Variants in ELF4 observed in about 807,000 individuals in gnomAD.
ELF4 encodes ETS-related transcription factor Elf-4.
ELF4 carries 10 observed loss-of-function variants against 31.7 expected under a neutral mutation model. That is an observed-to-expected ratio of 0.32 (90% CI 0.19 to 0.54). ELF4 has a LOEUF of 0.54. ELF4 is among the 20% of genes least tolerant of loss of function. The probability of loss-of-function intolerance (pLI) is 0.95; values close to 1 mark genes in which losing one functional copy is unlikely to be tolerated. For missense variants in ELF4, 418 were observed against 522.0 expected (o/e 0.80, Z 1.94); for synonymous variants, 208 against 226.7 (o/e 0.92, Z 0.74).
chrX:130,103,261 G>A (rs187183112), intron 1 of ELF4, among the ~76,000 whole-genome samples: 6 of 112,235 alleles, frequency 5.3e-5, no homozygotes, highest in Admixed American at 3.8e-4. Context: ...CACAGACTAC[G>A]AGAAAGTATT....
chrX:130,067,214 G>A lies in ELF4; in HGVS notation c.1499C>T (p.Ala500Val), dbSNP rs145281864. 611 of 1,209,975 alleles carry A rather than the reference G, an allele frequency of 5.0e-4. 2 individuals carry two copies. Among genetic ancestry groups the A allele is most frequent in the African/African-American group, 1.6e-3 (91 of 57,502 alleles). Residue 500 changes from alanine (A) to valine (V), a missense_variant, in exon 9 of 9, where the codon GCG (alanine) becomes GTG (valine). Around this residue, in one of 4 missense-constraint regions of ELF4, gnomAD observed 260 missense variants for 269.2 expected, o/e 0.97. Coordinates refer to ENST00000308167, the MANE Select transcript of ELF4 (RefSeq NM_001421.4). ...TCCAGCCCCTGTGACCGTGGGTGGC[G>A]CCGGGTTGGTCGGACGGTTGGCCCC... The part of the protein sequence containing the change: ...LAGANRPTNP[A>V]PPTVTGAGPA...
At chrX:130,110,702 A>G (rs1220970806), upstream of ELF4, 1 of 105,662 alleles carries the variant, frequency 9.5e-6, no homozygotes, top group East Asian at 3.1e-4. Context: ...AGTTGGAGGG[A>G]GAGATGCAAA....
intron 2 of ELF4, 99 bp from the exon 3 acceptor site, chrX:130,074,851 G>A: frequency 2.1e-6 from 2 of 973,164 alleles, no homozygotes; most frequent in East Asian, 6.5e-5. Flanking sequence ...TTATTCTTGG[G>A]TTCATCAGGG....
intron 1 of ELF4, among the ~76,000 whole-genome samples, chrX:130,090,372 C>CAA (rs1183281100): frequency 2.1e-5 from 2 of 96,398 alleles, no homozygotes; most frequent in African/African-American, 3.8e-5. Flanking sequence ...GACTCTGTCT[C>CAA]AAAAAAAAAA....
chrX:130,095,860 T>C (rs1278880644), intron 1 of ELF4, among the ~76,000 whole-genome samples: 1 of 111,914 alleles, frequency 8.9e-6, no homozygotes, highest in African/African-American at 3.3e-5. Context: ...TGGGCTCTTA[T>C]CTTGGGGTGT....
At chrX:130,102,853 TGA>T (rs748191970) in intron 1 of ELF4, among the ~76,000 whole-genome samples, 5,857 of 58,324 alleles carry the variant, frequency 0.1, 544 homozygotes, top group East Asian at 0.22. Flanking sequence ...AAGATAAAGA[TGA>T]GAGAGAGAGA....
intron 1 of ELF4, among the ~76,000 whole-genome samples, chrX:130,094,565 C>T (rs1444661876): frequency 4.6e-4 from 44 of 94,892 alleles, no homozygotes; most frequent in Non-Finnish European, 1.3e-4. Flanking sequence ...GACTCCATCT[C>T]AAAAAAAAAA....
At chrX:130,075,685 TGGCAAG>T (rs1932828662) in intron 2 of ELF4, among the ~76,000 whole-genome samples, 1 of 111,883 alleles carries the variant, frequency 8.9e-6, no homozygotes, top group African/African-American at 3.2e-5. Context: ...GACCAGCTGA[TGGCAAG>T]GGCAAGGGGC....
At chrX:130,074,235 G>C in intron 3 of ELF4, 94 bp from the exon 4 acceptor site, 1 of 958,978 alleles carries the variant, frequency 1.0e-6, no homozygotes, top group Non-Finnish European at 1.5e-6. Flanking sequence ...CCCGAAGAAA[G>C]GATGGTGGTA....
intron 4 of ELF4, among the ~76,000 whole-genome samples, chrX:130,073,165 T>C (rs1485538333): frequency 9.0e-6 from 1 of 111,505 alleles, no homozygotes; most frequent in African/African-American, 3.3e-5. Flanking sequence ...CTCGGCTCAT[T>C]GCAACCTCTG....
chrX:130,072,211 C>A lies in ELF4; in HGVS notation c.532+15G>T, dbSNP rs200372137. 8.3e-7 allele frequency: 1 copy of A among 1,202,442 alleles called. No homozygotes were observed. Among genetic ancestry groups the A allele is most frequent in the African/African-American group, 1.8e-5 (1 of 56,834 alleles). On this transcript the variant is annotated intron_variant, in intron 5 of 8. Transcript: ENST00000308167. Reference sequence around the variant, plus strand: ...CCCCTCGGAGACACACATACACTCACTCTCCCCCACTTACTTCTCTTCTTT... The same window carrying A: ...CCCCTCGGAGACACACATACACTCAATCTCCCCCACTTACTTCTCTTCTTT...
chrX:130,102,317 G>C (rs1449661639), intron 1 of ELF4, among the ~76,000 whole-genome samples: 1 of 112,054 alleles, frequency 8.9e-6, no homozygotes, highest in Non-Finnish European at 1.9e-5. Context: ...AAGTTGAAAG[G>C]CTAATACTAC....
At chrX:130,076,663 T>C (rs1932837595) in intron 2 of ELF4, among the ~76,000 whole-genome samples, 1 of 111,942 alleles carries the variant, frequency 8.9e-6, no homozygotes, top group Admixed American at 9.5e-5. Flanking sequence ...ACTCCTGACC[T>C]CAAGTGATCC....
intron 1 of ELF4, among the ~76,000 whole-genome samples, chrX:130,099,479 C>G (rs1313265494): frequency 9.1e-6 from 1 of 110,417 alleles, no homozygotes; most frequent in African/African-American, 3.3e-5. Flanking sequence ...AAGGCTAAGG[C>G]AGGAGAATTG....
Position 130,067,190 on chromosome X carries a change from C to T in ELF4, c.1523G>A (p.Gly508Glu). 8.3e-7 allele frequency: 1 copy of T among 1,209,301 alleles called. No homozygotes were observed. The highest frequency in any genetic ancestry group is 1.1e-6 in the Non-Finnish European group (1 of 893,884). ...NPAPPTVTGA[G>E]PAGPSSQPPG... Reference sequence around the variant, plus strand: ...GGGCTGAGAGCTGGGCCCTGCTGGTCCAGCCCCTGTGACCGTGGGTGGCGC... The same window carrying T: ...GGGCTGAGAGCTGGGCCCTGCTGGTTCAGCCCCTGTGACCGTGGGTGGCGC... The change falls in exon 9 of 9, where the codon GGA (glycine) becomes GAA (glutamate). Residue 508 changes from glycine (G) to glutamate (E), a missense_variant. Around this residue, in one of 4 missense-constraint regions of ELF4, gnomAD observed 260 missense variants for 269.2 expected, o/e 0.97. Transcript: ENST00000308167.
At chrX:130,109,156 C>G (rs1933427708) in intron 1 of ELF4, among the ~76,000 whole-genome samples, 1 of 112,498 alleles carries the variant, frequency 8.9e-6, no homozygotes, top group Admixed American at 9.4e-5. Flanking sequence ...CACCTCCAAC[C>G]TGGCACTCGG....
intron 1 of ELF4, among the ~76,000 whole-genome samples, chrX:130,106,202 C>T (rs1424871644): frequency 1.8e-5 from 2 of 108,765 alleles, no homozygotes; most frequent in Non-Finnish European, 3.8e-5. Flanking sequence ...CAAAGCCTTC[C>T]CTCCCTCCTC....
chrX:130,074,662 C>T lies in ELF4; in HGVS notation c.166G>A (p.Asp56Asn), dbSNP rs1175642134. The T allele has an allele frequency of 8.3e-6, 10 of 1,209,688 alleles. No homozygotes were observed. The highest frequency in any genetic ancestry group is 2.3e-4 in the Middle Eastern group (1 of 4,376). ...LHLYSGLELD[D>N]VHNGIITDGT... ...TCTGTTATGATGCCATTGTGAACGT[C>T]GTCCAACTCCAGTCCCGAGTACAGA... The change falls in exon 3 of 9, where the codon GAC (aspartate) becomes AAC (asparagine). Residue 56 changes from aspartate to asparagine, a missense_variant. Coordinates refer to ENST00000308167, the MANE Select transcript of ELF4 (RefSeq NM_001421.4).
intron 4 of ELF4, 122 bp from the exon 5 acceptor site, chrX:130,072,539 A>C: frequency 3.0e-6 from 2 of 675,414 alleles, no homozygotes; most frequent in Non-Finnish European, 4.6e-6. Context: ...AGCCCCAGAC[A>C]CAGGATACAC....
Sources: allele counts gnomAD v4.1 joint callset (sites outside exome capture counted in the v4.1 genomes callset), GRCh38; gene constraint gnomAD v4.1.1; regional missense constraint gnomAD v4.1.1; transcripts MANE v1.5; gene names NCBI Gene and HGNC (gene_info 2026-07-23, HGNC 2026-07-21).